Variants in RPTOR observed in about 807,000 individuals in gnomAD.
RPTOR encodes the protein regulatory-associated protein of mTOR.
RPTOR carries 21 observed loss-of-function variants against 169.9 expected under a neutral mutation model. That is an observed-to-expected ratio of 0.12 (90% confidence interval 0.09 to 0.18). The LOEUF is 0.18. RPTOR is among the 10% of genes least tolerant of loss of function. RPTOR has a pLI of 1.00. For synonymous variants in RPTOR, 732 were observed against 753.2 expected, an observed-to-expected ratio of 0.97 and a Z score of 0.46; for missense variants, 1,133 against 1,855.9, an observed-to-expected ratio of 0.61 and a Z score of 7.16.
Position 80,545,024 on chromosome 17 carries a change from C to G in RPTOR, c.-606C>G, listed in dbSNP as rs2084256342. 4.3e-6 allele frequency: 1 copy of G among 232,986 alleles called. No individual in the cohort carries two copies. 14.4% of individuals were successfully genotyped at this position (232,986 alleles called of 1,614,324 possible). On this transcript the variant is annotated 5_prime_UTR_variant, in exon 1 of 34. Coordinates refer to ENST00000306801, the MANE Select transcript of RPTOR (RefSeq NM_020761.3). ...GAGCCTCGGGGCTGAAGGCCAGGAC[C>G]AGCCAGGCCGCGCGGACCTGAGGTT...
At chr17:80,725,819 A>G (rs1370342872) in intron 4 of RPTOR, among the ~76,000 whole-genome samples, 1 of 152,214 alleles carries the variant, frequency 6.6e-6, no homozygotes, top group Admixed American at 6.5e-5. Flanking sequence ...ATATTCCCTG[A>G]GGGATACAGA....
chr17:80,584,970 G>A lies in RPTOR; in HGVS notation c.162+39179G>A, dbSNP rs1157090751. 3.3e-5 allele frequency among the ~76,000 whole-genome samples: 5 copies of A among 152,138 alleles called. 1 individual carries two copies. Among genetic ancestry groups the A allele is most frequent in the East Asian group, 1.9e-4 (1 of 5,194 alleles). On this transcript the variant is annotated intron_variant, in intron 1 of 33. Transcript: ENST00000306801. ...TGGATTCATAAAATATAGAAAGAGC[G>A]TGAGCTGGCTATGGCTGGGTTTTGT...
intron 21 of RPTOR, among the ~76,000 whole-genome samples, chr17:80,921,505 G>A (rs556214334): frequency 1.4e-4 from 21 of 152,322 alleles, no homozygotes; most frequent in Non-Finnish European, 2.1e-4. Context: ...GGCAGCGCAC[G>A]CCCTGCCTTG....
intron 11 of RPTOR, among the ~76,000 whole-genome samples, chr17:80,847,738 T>C (rs991641852): frequency 6.6e-6 from 1 of 152,200 alleles, no homozygotes; most frequent in Non-Finnish European, 1.5e-5. Context: ...GCAGATCGGG[T>C]GGTGGTACCT....
rs754677831 is a variant in RPTOR, at chr17:80,966,223, G to A, written c.*1893G>A. The A allele has an allele frequency of 9.3e-5, 21 of 226,616 alleles. No homozygotes were observed. In the East Asian group the frequency reaches 1.3e-3, roughly 14 times the overall value. 14.0% of individuals were successfully genotyped at this position (226,616 alleles called of 1,614,324 possible). ...TCTGATGTGAAAATTCAATCACGAC[G>A]TTAACCGGCTCGAGAGAGCGCCGGC... On this transcript the variant is annotated 3_prime_UTR_variant, in exon 34 of 34. Coordinates refer to ENST00000306801, the MANE Select transcript of RPTOR (RefSeq NM_020761.3).
chr17:80,787,520 A>C (rs971606233), intron 6 of RPTOR, among the ~76,000 whole-genome samples: 5 of 152,192 alleles, frequency 3.3e-5, no homozygotes, highest in Non-Finnish European at 7.3e-5. Context: ...CACATGCAAG[A>C]ATTTCTTATA....
At chr17:80,893,370 G>A (rs2068354221) in intron 19 of RPTOR, among the ~76,000 whole-genome samples, 1 of 145,162 alleles carries the variant, frequency 6.9e-6, no homozygotes, top group African/African-American at 2.6e-5. Context: ...CTGGGTGTGT[G>A]TGCACAAGGG....
Position 80,947,436 on chromosome 17 carries a change from A to G in RPTOR, c.3265+85A>G, listed in dbSNP as rs548525595. 7.0e-7 allele frequency: 1 copy of G among 1,428,980 alleles called. No homozygotes were observed. The highest frequency in any genetic ancestry group is 2.8e-5 in the Admixed American group (1 of 35,288). 88.5% of individuals were successfully genotyped at this position (1,428,980 alleles called of 1,614,324 possible). A position where few individuals can be genotyped will look rare whatever the true frequency, so the allele number is the denominator to read the frequency against. On this transcript the variant is annotated intron_variant, in intron 27 of 33. Coordinates refer to ENST00000306801, the MANE Select transcript of RPTOR (RefSeq NM_020761.3). The surrounding 1 kb of genome is among the most constrained non-coding windows in gnomAD (Gnocchi z 4.4). ...GTGTGTGATCCTGAGATGTGTTTGT[A>G]CATCTGTCTTACAGAAAGCCCTGCT...
At chr17:80,842,541 C>T (rs2067682989) in intron 10 of RPTOR, among the ~76,000 whole-genome samples, 1 of 152,222 alleles carries the variant, frequency 6.6e-6, no homozygotes, top group Non-Finnish European at 1.5e-5. Flanking sequence ...TACACTCCTG[C>T]CTGCAGCATT....
intron 4 of RPTOR, among the ~76,000 whole-genome samples, chr17:80,728,446 GGT>G (rs71367012): frequency 7.8e-4 from 116 of 147,866 alleles, no homozygotes; most frequent in East Asian, 3.8e-3. Flanking sequence ...TCCACTCTGG[GGT>G]GTGTGTGTGT....
chr17:80,750,107 C>T (rs2066616818), intron 5 of RPTOR, among the ~76,000 whole-genome samples: 1 of 152,136 alleles, frequency 6.6e-6, no homozygotes, highest in Admixed American at 6.5e-5. Context: ...CCACCTCAGC[C>T]TCCCAAAGTG....
chr17:80,617,307 T>C (rs932148403), intron 1 of RPTOR, among the ~76,000 whole-genome samples: 3 of 152,222 alleles, frequency 2.0e-5, no homozygotes, highest in Non-Finnish European at 4.4e-5. Context: ...TCCTGTGCCA[T>C]TTAATATTCT....
rs1215962730 is a variant in RPTOR, at chr17:80,880,484, A to G, written c.1579A>G (p.Met527Val). 4 of 1,613,530 alleles carry G rather than the reference A, an allele frequency of 2.5e-6. No individual in the cohort carries two copies. Among genetic ancestry groups the G allele is most frequent in the Admixed American group, 1.7e-5 (1 of 60,026 alleles). ...CCTGTCGGTCCTGGCGGACCCCTAC[A>G]TGCCAGTAAGGACGGGGCAGCACGC... ...YFLSVLADPY[M>V]PAEHRTMTAF... Residue 527 changes from methionine to valine, a missense_variant, in exon 14 of 34, where the codon ATG becomes GTG. Coordinates refer to ENST00000306801, the MANE Select transcript of RPTOR (RefSeq NM_020761.3).
intron 6 of RPTOR, among the ~76,000 whole-genome samples, chr17:80,756,784 C>T (rs907331779): frequency 6.6e-5 from 10 of 151,948 alleles, no homozygotes; most frequent in South Asian, 2.1e-4. Context: ...ATTGTATGCA[C>T]GGATCAAAAT....
chr17:80,885,223 G>A (rs1347254985), intron 17 of RPTOR, 75 bp downstream of exon 17: 1 of 1,492,062 alleles, frequency 6.7e-7, no homozygotes. Context: ...AAGCCCGCAT[G>A]GCCCTGACCA....
At chr17:80,582,902 CTTTCTTTTTT>C (rs1302812059) in intron 1 of RPTOR, among the ~76,000 whole-genome samples, 72 of 149,940 alleles carry the variant, frequency 4.8e-4, no homozygotes, top group African/African-American at 1.7e-3. Flanking sequence ...CTCTATTATT[CTTTCTTTTTT>C]TTTCTTTTTT....
intron 24 of RPTOR, among the ~76,000 whole-genome samples, chr17:80,934,224 A>G (rs143057247): frequency 1.6e-3 from 242 of 148,030 alleles, no homozygotes; most frequent in African/African-American, 5.3e-3. Flanking sequence ...AATACCTTCC[A>G]TCACTACTTT....
At position 80,769,277 on chromosome 17, in the gene RPTOR, C is replaced by T. The variant is rs528266816; in HGVS notation, c.830+15092C>T. Among the ~76,000 whole-genome samples the T allele has an allele frequency of 2.1e-4, 32 of 152,272 alleles. No homozygotes were observed. The South Asian group carries it at 6.0e-3, about 29-fold the overall frequency. ...GACGTTAGCCTCTTCTTTGGTTTCT[C>T]GTTATTTGTACTGCTAAGTAAATGT... On this transcript the variant is annotated intron_variant, in intron 6 of 33. Coordinates refer to ENST00000306801, the MANE Select transcript of RPTOR (RefSeq NM_020761.3).
chr17:80,829,408 C>T (rs1245529127), intron 9 of RPTOR, among the ~76,000 whole-genome samples: 1 of 152,208 alleles, frequency 6.6e-6, no homozygotes. Context: ...AGTTGCCAGT[C>T]ATAGAGTAGC....
Sources: allele counts gnomAD v4.1 joint callset (sites outside exome capture counted in the v4.1 genomes callset), GRCh38; gene constraint gnomAD v4.1.1; non-coding constraint Gnocchi (gnomAD v3.1); transcripts MANE v1.5; gene names NCBI Gene and HGNC (gene_info 2026-07-23, HGNC 2026-07-21).